Variants in DSP observed in about 807,000 individuals in gnomAD.
The protein encoded by DSP is desmoplakin.
Under a neutral mutation model 290.6 loss-of-function variants are expected in DSP, and 114 were observed. That is an observed-to-expected ratio of 0.39 (90% CI 0.34 to 0.46). DSP has a LOEUF of 0.46. Ranked by LOEUF, DSP falls within the 20% of genes least tolerant of loss-of-function variation. DSP has a pLI of 0.99. For missense variants in DSP, 3,230 were observed against 3,495.8 expected (o/e 0.92, Z 1.92); for synonymous variants, 1,311 against 1,316.4 (o/e 1.00, Z 0.09).
At chr6:7,576,269 T>C in intron 18 of DSP, 25 bp from the exon 19 acceptor site, 1 of 1,611,792 alleles carries the variant, frequency 6.2e-7, no homozygotes. Flanking sequence ...AAGATAATGA[T>C]TTTATTGTAT....
In DSP at chr6:7,585,737, C is replaced by T; in HGVS notation, c.8475C>T (p.Ser2825=). 1 of 1,609,814 alleles carries T rather than the reference C, an allele frequency of 6.2e-7. No individual in the cohort carries two copies. ...ACAACATGTCTTCGGCTCCGGGGTC[C>T]CGCTCCGGCTCCCGCTCGGGATCTC... ...SPYNMSSAPG[S]RSGSRSGSRS... The change falls in exon 24 of 24, where the codon TCC becomes TCT. Residue 2825 remains serine, a synonymous_variant. Coordinates refer to ENST00000379802, the MANE Select transcript of DSP (RefSeq NM_004415.4).
At chr6:7,556,493 T>C (rs1413251538) in intron 2 of DSP, among the ~76,000 whole-genome samples, 1 of 152,216 alleles carries the variant, frequency 6.6e-6, no homozygotes, top group Non-Finnish European at 1.5e-5. Flanking sequence ...GTAGCCATCT[T>C]TTCTATCCCT....
chr6:7,547,991 C>A, intron 1 of DSP, among the ~76,000 whole-genome samples: 1 of 152,054 alleles, frequency 6.6e-6, no homozygotes, highest in East Asian at 1.9e-4. Context: ...AAATTTCTGC[C>A]GGGCGCGGTG....
rs750461911 is a variant in DSP, at chr6:7,574,244, C to T, written c.2289C>T (p.Tyr763=). 1 of 1,613,622 alleles carries T rather than the reference C, an allele frequency of 6.2e-7. No homozygotes were observed. The part of the protein sequence containing the change: ...LENINGVTDG[Y]LNSLCTVRAL... ...ATATCAATGGTGTTACAGATGGCTACTTAAATAGGTAAACTCAGCTAACAC... is the reference window on the plus strand; with the variant it reads ...ATATCAATGGTGTTACAGATGGCTATTTAAATAGGTAAACTCAGCTAACAC... Residue 763 remains tyrosine, a synonymous_variant, in exon 16 of 24, where the codon TAC becomes TAT. Coordinates refer to ENST00000379802, the MANE Select transcript of DSP (RefSeq NM_004415.4).
rs35879281 is a variant in DSP, at chr6:7,552,401, C to CAA, written c.171-3305_171-3304dup. On this transcript the variant is annotated intron_variant, in intron 1 of 23. Transcript: ENST00000379802. ...TGAAACCCCATCTCTATTAAAAATA[C>CAA]AAAAAAAAAAAAATAGCTGGGCGTG... is the stretch of plus-strand genomic sequence containing the variant. Among the ~76,000 whole-genome samples, 595 of 142,674 alleles carry CAA rather than the reference C, an allele frequency of 4.2e-3. 1 individual carries two copies. Among genetic ancestry groups the CAA allele is most frequent in the Middle Eastern group, 0.011 (3 of 282 alleles). The allele number at this position is 142,674 out of a possible 152,430, so 93.6% of individuals were successfully genotyped here.
rs147288061 is a variant in DSP at position 7,548,445 on chromosome 6, G to A, written c.170+6360G>A. Reference sequence around the variant, plus strand: ...GAAGCTCCAGGCACTGCCAGTGGATGTCACTTTAAGTTGCTCAAGGTCACA... The same window carrying A: ...GAAGCTCCAGGCACTGCCAGTGGATATCACTTTAAGTTGCTCAAGGTCACA... On this transcript the variant is annotated intron_variant, in intron 1 of 23. Transcript: ENST00000379802. Among the ~76,000 whole-genome samples the A allele has an allele frequency of 2.6e-5, 4 of 152,220 alleles. No individual in the cohort carries two copies. The East Asian group carries it at 7.8e-4, about 30-fold the overall frequency.
At chr6:7,554,028 T>C (rs1451078087) in intron 1 of DSP, among the ~76,000 whole-genome samples, 1 of 151,406 alleles carries the variant, frequency 6.6e-6, no homozygotes, top group Non-Finnish European at 1.5e-5. Context: ...CTATGCATAA[T>C]GCAACCATTG....
In DSP at chr6:7,565,624, T is replaced by C. The variant is rs1013356684; in HGVS notation, c.939+104T>C. The C allele has an allele frequency of 2.1e-6, 3 of 1,446,498 alleles. No individual in the cohort carries two copies. The African/African-American group carries it at 4.2e-5, about 20-fold the overall frequency. 89.6% of individuals were successfully genotyped at this position (1,446,498 alleles called of 1,614,324 possible). ...GTCTATTAATAATTTAATCAGCCAC[T>C]TGCAATTCAGCCTTCTTTGAAATGG... On this transcript the variant is annotated intron_variant, in intron 7 of 23. Transcript: ENST00000379802. This position sits in a 1 kb window ranked among gnomAD's most constrained non-coding sequence, Gnocchi z 4.2.
In DSP at chr6:7,581,485, A is replaced by G; in HGVS notation, c.5295A>G (p.Glu1765=). 6.2e-7 allele frequency: 1 copy of G among 1,613,572 alleles called. No homozygotes were observed. Among genetic ancestry groups the G allele is most frequent in the Non-Finnish European group, 8.5e-7 (1 of 1,179,852 alleles). The part of the protein sequence containing the change: ...QLQISNNRTL[E]LQGLINDLQR... The stretch of plus-strand genomic sequence containing the variant: ...AGATCAGCAACAACCGGACCCTGGA[A>G]CTGCAGGGGCTGATTAATGATTTAC... Residue 1765 remains glutamate (E), a synonymous_variant, in exon 23 of 24, where the codon GAA becomes GAG. Transcript: ENST00000379802.
At chr6:7,563,938 A>G in intron 6 of DSP, 152 bp downstream of exon 6, 1 of 751,782 alleles carries the variant, frequency 1.3e-6, no homozygotes, top group Non-Finnish European at 2.3e-6. Context: ...AGTGAATTTT[A>G]AAAGTTGTTT....
intron 9 of DSP, 114 bp from the exon 10 acceptor site, chr6:7,567,667 C>A: frequency 6.5e-7 from 1 of 1,537,514 alleles, no homozygotes. Context: ...GAATTTTTTC[C>A]TTTAGCCACC....
chr6:7,577,949 G>A (rs1012891353), intron 21 of DSP, 63 bp downstream of exon 21: 2 of 1,318,170 alleles, frequency 1.5e-6, no homozygotes, highest in South Asian at 1.2e-5. Context: ...CCTTTTCCCT[G>A]TCTCCTGCCT....
At position 7,573,451 on chromosome 6, in the gene DSP, G is replaced by A. The variant is rs145247846; in HGVS notation, c.2131-635G>A. ...AAATTAGCTGGGTGTGGTGGCGTGC[G>A]CCTGTAATCTCAGCTACTCAGGAGG... is the stretch of plus-strand genomic sequence containing the variant. On this transcript the variant is annotated intron_variant, in intron 15 of 23. Coordinates refer to ENST00000379802, the MANE Select transcript of DSP (RefSeq NM_004415.4). Among the ~76,000 whole-genome samples, 1,061 of 152,072 alleles carry A rather than the reference G, an allele frequency of 7.0e-3. 16 individuals carry two copies. Among genetic ancestry groups the A allele is most frequent in the African/African-American group, 0.023 (958 of 41,490 alleles).
At chr6:7,569,564 G>T (rs1758981131) in intron 12 of DSP, among the ~76,000 whole-genome samples, 1 of 152,248 alleles carries the variant, frequency 6.6e-6, no homozygotes. Context: ...GCCGGGTGTG[G>T]TGGCTTATGC....
intron 5 of DSP, among the ~76,000 whole-genome samples, chr6:7,563,110 A>G (rs1758753734): frequency 6.6e-6 from 1 of 152,190 alleles, no homozygotes; most frequent in South Asian, 2.1e-4. Flanking sequence ...AGTCTTATAC[A>G]GTAGTTTGTG....
chr6:7,566,864 G>A (rs923082548), intron 8 of DSP, among the ~76,000 whole-genome samples: 3 of 152,204 alleles, frequency 2.0e-5, no homozygotes, highest in African/African-American at 4.8e-5. Context: ...TTTGGGCCAC[G>A]CTCAAGGCTG....
chr6:7,558,362 C>T lies in DSP; in HGVS notation c.422+98C>T. 3 of 1,501,744 alleles carry T rather than the reference C, an allele frequency of 2.0e-6. No homozygotes were observed. The South Asian group carries it at 3.6e-5, about 18-fold the overall frequency. 93.0% of individuals were successfully genotyped at this position (1,501,744 alleles called of 1,614,324 possible). A position where few individuals can be genotyped will look rare whatever the true frequency, so the allele number is the denominator to read the frequency against. On this transcript the variant is annotated intron_variant, in intron 3 of 23. Transcript: ENST00000379802. The stretch of plus-strand genomic sequence containing the variant: ...CATGACCCAGGGCTTCCTTTGAAGG[C>T]AGCACAAATGTTCCCAAGGAAAGGT...
chr6:7,574,598 A>G (rs528895061), intron 16 of DSP, 59 bp from the exon 17 acceptor site: 1 of 1,611,204 alleles, frequency 6.2e-7, no homozygotes, highest in Non-Finnish European at 8.5e-7. Context: ...GTGAGAGGCA[A>G]ATCTTCACAG....
chr6:7,547,552 C>T (rs527543359), intron 1 of DSP, among the ~76,000 whole-genome samples: 2 of 151,912 alleles, frequency 1.3e-5, no homozygotes, highest in Non-Finnish European at 2.9e-5. Flanking sequence ...CTCAGCCTCT[C>T]GAGTAGCTTG....
Sources: allele counts gnomAD v4.1 joint callset (sites outside exome capture counted in the v4.1 genomes callset), GRCh38; gene constraint gnomAD v4.1.1; non-coding constraint Gnocchi (gnomAD v3.1); transcripts MANE v1.5; gene names NCBI Gene and HGNC (gene_info 2026-07-23, HGNC 2026-07-21).